The following VPS13D variants were observed in gnomAD, a reference collection of about 807,000 sequenced individuals.
VPS13D encodes vacuolar protein sorting 13 homolog D.
In VPS13D, 187 loss-of-function variants were observed where a neutral mutation model predicts 461.9. That is an observed-to-expected ratio of 0.40 (90% CI 0.36 to 0.46). VPS13D has a LOEUF of 0.46. Ranked by LOEUF, VPS13D falls within the 20% of genes least tolerant of loss-of-function variation. VPS13D has a pLI of 0.60. For missense variants in VPS13D, 4,711 were observed against 5,364.9 expected (o/e 0.88, Z 3.81); for synonymous variants, 1,951 against 1,986.3 (o/e 0.98, Z 0.47).
chr1:12,503,245 C>CT (rs1557482142), intron 68 of VPS13D, among the ~76,000 whole-genome samples: 1 of 152,204 alleles, frequency 6.6e-6, no homozygotes. Context: ...GCTGGTGCTG[C>CT]AGCCTTCCCT....
At chr1:12,322,440 C>T (rs1643065490) in intron 33 of VPS13D, 96 bp from the exon 34 acceptor site, 1 of 1,251,460 alleles carries the variant, frequency 8.0e-7, no homozygotes, top group Non-Finnish European at 1.1e-6. Flanking sequence ...ATCTGTTGGA[C>T]TTTTAGAAGT....
chr1:12,459,434 A>ACT (rs1312686324), intron 66 of VPS13D, among the ~76,000 whole-genome samples: 1 of 151,996 alleles, frequency 6.6e-6, no homozygotes, highest in Non-Finnish European at 1.5e-5. Flanking sequence ...CTAAGGAACA[A>ACT]CTACATTTAG....
At chr1:12,300,121 A>G (rs1385020813) in intron 25 of VPS13D, among the ~76,000 whole-genome samples, 2 of 150,298 alleles carry the variant, frequency 1.3e-5, no homozygotes, top group East Asian at 2.0e-4. Context: ...TTAGGAGGGT[A>G]TCTGTTGTTC....
intron 63 of VPS13D, among the ~76,000 whole-genome samples, chr1:12,406,292 GTA>G (rs1320811340): frequency 6.6e-6 from 1 of 152,152 alleles, no homozygotes; most frequent in East Asian, 1.9e-4. Context: ...TTCTAACAGA[GTA>G]ATATGCCTTT....
chr1:12,290,781 T>C (rs1259224848), intron 22 of VPS13D, among the ~76,000 whole-genome samples: 1 of 152,156 alleles, frequency 6.6e-6, no homozygotes, highest in Non-Finnish European at 1.5e-5. Flanking sequence ...GACTTCTGCA[T>C]TGAGACTTTT....
chr1:12,398,180 T>C (rs1570092704), intron 60 of VPS13D, among the ~76,000 whole-genome samples: 1 of 152,316 alleles, frequency 6.6e-6, no homozygotes, highest in East Asian at 1.9e-4. Context: ...CTCTTGCCCT[T>C]ATCCCTGCCC....
At chr1:12,450,733 G>T (rs1418659863) in intron 65 of VPS13D, among the ~76,000 whole-genome samples, 1 of 152,206 alleles carries the variant, frequency 6.6e-6, no homozygotes, top group Non-Finnish European at 1.5e-5. Context: ...TTAGGTGTAT[G>T]AAATTCATTT....
chr1:12,443,636 GTTC>G (rs1381424481), intron 65 of VPS13D, among the ~76,000 whole-genome samples: 1 of 150,830 alleles, frequency 6.6e-6, no homozygotes, highest in African/African-American at 2.4e-5. Context: ...ATGTATTTTA[GTTC>G]TACTTACATT....
chr1:12,348,582 G>T (rs1318451480), intron 44 of VPS13D, among the ~76,000 whole-genome samples: 3 of 152,062 alleles, frequency 2.0e-5, no homozygotes, highest in Non-Finnish European at 2.9e-5. Context: ...GACACACTTT[G>T]TGATATCACA....
intron 63 of VPS13D, among the ~76,000 whole-genome samples, chr1:12,413,588 C>T (rs1367603187): frequency 6.6e-6 from 1 of 152,114 alleles, no homozygotes; most frequent in Non-Finnish European, 1.5e-5. Context: ...CCTCCTCCTC[C>T]AGCCTCCTGA....
At chr1:12,407,838 G>A (rs1397345821) in intron 63 of VPS13D, among the ~76,000 whole-genome samples, 1 of 152,196 alleles carries the variant, frequency 6.6e-6, no homozygotes, top group Non-Finnish European at 1.5e-5. Flanking sequence ...ACTTTGTGTG[G>A]TTCTTCTTTA....
In VPS13D at chr1:12,266,998, T is replaced by G. The variant is rs1238695697; in HGVS notation, c.1712T>G (p.Val571Gly). ...GAAGGAACTATGTTTCCTCTTCTAG[T>G]CTTCCCTAATCCAGTATGTACAACA... Reference protein sequence around the residue: ...ATEGTMFPLLVFPNPQKEVGR... With the variant: ...ATEGTMFPLLGFPNPQKEVGR... The change falls in exon 14 of 70, where the codon GTC (valine) becomes GGC (glycine). Residue 571 changes from valine (V) to glycine (G), a missense_variant. This residue lies in a region of VPS13D where 4,411 missense variants were observed against 4,937.8 expected (regional missense o/e 0.89). Transcript: ENST00000620676. 2 of 1,602,758 alleles carry G rather than the reference T, an allele frequency of 1.2e-6. No homozygotes were observed. The highest frequency in any genetic ancestry group is 3.5e-5 in the Admixed American group (2 of 56,506).
rs1276523080 is a variant in VPS13D, at chr1:12,318,205, C to G, written c.7282C>G (p.Pro2428Ala). Residue 2428 changes from proline to alanine, a missense_variant, in exon 31 of 70, where the codon CCT (proline) becomes GCT (alanine). Transcript: ENST00000620676. ...SDIKKQNHVT[P>A]SRHRNSSSES... ...TATTAAGAAACAAAATCATGTTACT[C>G]CTTCTCGCCACCGTAACTCTAGCAG... The G allele has an allele frequency of 3.7e-6, 6 of 1,614,066 alleles. No homozygotes were observed. Among genetic ancestry groups the G allele is most frequent in the Non-Finnish European group, 5.1e-6 (6 of 1,180,044 alleles).
chr1:12,368,335 ACAGTGGG>A (rs1644068125), intron 52 of VPS13D, 126 bp from the exon 53 acceptor site: 32 of 1,053,044 alleles, frequency 3.0e-5, no homozygotes, highest in Non-Finnish European at 4.2e-5. Flanking sequence ...GGAGGAACAC[ACAGTGGG>A]CTGTAAGTTC....
In VPS13D at chr1:12,282,976, C is replaced by T. The variant is rs1349733364; in HGVS notation, c.4874C>T (p.Ser1625Leu). 2 of 1,614,178 alleles carry T rather than the reference C, an allele frequency of 1.2e-6. No individual in the cohort carries two copies. The highest frequency in any genetic ancestry group is 4.5e-5 in the East Asian group (2 of 44,878). ...FTQIQATFCISELQVQLSGDL... is the reference protein window; with the variant it reads ...FTQIQATFCILELQVQLSGDL... ...CAGATTCAAGCCACCTTTTGTATAT[C>T]AGAGCTTCAGGTTCAGCTAAGTGGA... The change falls in exon 21 of 70, where the codon TCA becomes TTA. Residue 1625 changes from serine (S) to leucine (L), a missense_variant. By Grantham distance (145) the Ser-to-Leu change is moderately radical. This residue lies in a region of VPS13D where 4,411 missense variants were observed against 4,937.8 expected (regional missense o/e 0.89). Coordinates refer to ENST00000620676, the MANE Select transcript of VPS13D (RefSeq NM_015378.4).
At chr1:12,259,045 CTTT>C (rs577485964) in intron 10 of VPS13D, among the ~76,000 whole-genome samples, 1 of 144,708 alleles carries the variant, frequency 6.9e-6, no homozygotes, top group African/African-American at 2.5e-5. Context: ...TCTTCTTCTT[CTTT>C]TTTTTTTTTG....
chr1:12,281,286 G>T (rs1418773218), intron 20 of VPS13D, among the ~76,000 whole-genome samples: 1 of 152,038 alleles, frequency 6.6e-6, no homozygotes, highest in Non-Finnish European at 1.5e-5. Flanking sequence ...CTTTGTTTTG[G>T]GTTTGTTGGA....
intron 65 of VPS13D, among the ~76,000 whole-genome samples, chr1:12,433,917 G>GGAGAGAGAGAAAGTGAGAGAGAGAGA: frequency 7.0e-6 from 1 of 143,318 alleles, no homozygotes; most frequent in African/African-American, 2.6e-5. Flanking sequence ...TAGGGGGTGG[G>GGAGAGAGAGAAAGTGAGAGAGAGAGA]GAGAGAGAGA....
At chr1:12,253,245 A>G (rs1418291302) in intron 6 of VPS13D, among the ~76,000 whole-genome samples, 2 of 152,198 alleles carry the variant, frequency 1.3e-5, no homozygotes, top group African/African-American at 2.4e-5. Flanking sequence ...GAGATGATTT[A>G]AAGTGTACAG....
Sources: allele counts gnomAD v4.1 joint callset (sites outside exome capture counted in the v4.1 genomes callset), GRCh38; gene constraint gnomAD v4.1.1; regional missense constraint gnomAD v4.1.1; transcripts MANE v1.5; gene names NCBI Gene and HGNC (gene_info 2026-07-23, HGNC 2026-07-21).